Variants in BTBD9 observed in about 807,000 individuals in gnomAD.
BTBD9 encodes BTB/POZ domain-containing protein 9.
A neutral mutation model predicts 64.3 loss-of-function variants in BTBD9; 49 were observed. The ratio of observed to expected loss-of-function variants is 0.76; its 90% CI spans 0.61 to 0.97. The LOEUF (loss-of-function observed/expected upper bound fraction) is 0.97. Ranked by LOEUF, BTBD9 falls within the 50% of genes least tolerant of loss-of-function variation. The pLI, the probability that BTBD9 is intolerant of heterozygous loss-of-function variation, is 0.00. For synonymous variants in BTBD9, 260 were observed against 274.7 expected, an observed-to-expected ratio of 0.95 and a Z score of 0.53; for missense variants, 598 against 762.1, an observed-to-expected ratio of 0.78 and a Z score of 2.53.
chr6:38,450,729 T>G (rs529732980), intron 6 of BTBD9, among the ~76,000 whole-genome samples: 60 of 152,256 alleles, frequency 3.9e-4, no homozygotes, highest in Non-Finnish European at 7.9e-4. Flanking sequence ...TAAAAAAATG[T>G]AAATTTAGCA....
intron 6 of BTBD9, among the ~76,000 whole-genome samples, chr6:38,418,445 G>C (rs1228147512): frequency 2.0e-5 from 3 of 152,202 alleles, no homozygotes; most frequent in Non-Finnish European, 2.9e-5. Context: ...AGGATGCAGA[G>C]AGAAGAGAAT....
At chr6:38,326,978 G>A (rs996812922) in intron 7 of BTBD9, among the ~76,000 whole-genome samples, 5 of 151,912 alleles carry the variant, frequency 3.3e-5, no homozygotes, top group Admixed American at 1.3e-4. Context: ...TTTTACATTC[G>A]GCTTTATTAC....
At chr6:38,359,120 G>C (rs1764853911) in intron 6 of BTBD9, among the ~76,000 whole-genome samples, 1 of 152,204 alleles carries the variant, frequency 6.6e-6, no homozygotes, top group Non-Finnish European at 1.5e-5. Context: ...AAACATGCAG[G>C]ATGGCCAACT....
chr6:38,422,360 G>A (rs563925595), intron 6 of BTBD9, among the ~76,000 whole-genome samples: 2 of 152,054 alleles, frequency 1.3e-5, no homozygotes, highest in Non-Finnish European at 2.9e-5. Flanking sequence ...TCCTTCATAG[G>A]TAACTTGGCT....
chr6:38,234,433 C>G (rs1409719404), intron 9 of BTBD9, among the ~76,000 whole-genome samples: 1 of 152,186 alleles, frequency 6.6e-6, no homozygotes, highest in Non-Finnish European at 1.5e-5. Context: ...CAAGGGTTGG[C>G]TCGACCCCAC....
chr6:38,288,130 G>A, intron 8 of BTBD9, 142 bp downstream of exon 8: 2 of 867,194 alleles, frequency 2.3e-6, no homozygotes, highest in Non-Finnish European at 1.7e-6. Flanking sequence ...CCTTCCTTCG[G>A]CTCCCACTCC....
At chr6:38,355,830 T>G (rs1764706679) in intron 6 of BTBD9, among the ~76,000 whole-genome samples, 1 of 152,176 alleles carries the variant, frequency 6.6e-6, no homozygotes, top group Non-Finnish European at 1.5e-5. Context: ...TTTCTTGGTC[T>G]CTTCTCTCAT....
intron 6 of BTBD9, among the ~76,000 whole-genome samples, chr6:38,514,593 T>C (rs1488884455): frequency 1.3e-5 from 2 of 152,212 alleles, no homozygotes; most frequent in African/African-American, 4.8e-5. Context: ...AAAATTCTCA[T>C]ATGTCCTGGG....
chr6:38,299,981 A>G (rs1762323332), intron 7 of BTBD9, among the ~76,000 whole-genome samples: 1 of 152,170 alleles, frequency 6.6e-6, no homozygotes, highest in Non-Finnish European at 1.5e-5. Flanking sequence ...TAGGGTTTTT[A>G]TGATTTTAGG....
At chr6:38,232,977 T>C (rs1057189117) in intron 9 of BTBD9, among the ~76,000 whole-genome samples, 1 of 152,202 alleles carries the variant, frequency 6.6e-6, no homozygotes, top group Non-Finnish European at 1.5e-5. Context: ...CTGGGCCAAC[T>C]GGATTTTTAA....
At chr6:38,288,136 A>G (rs1301489633) in intron 8 of BTBD9, 136 bp downstream of exon 8, 2 of 932,010 alleles carry the variant, frequency 2.1e-6, no homozygotes, top group Non-Finnish European at 3.2e-6. Flanking sequence ...TTCGGCTCCC[A>G]CTCCTTTCTT....
At chr6:38,207,036 C>T (rs1198881163) in intron 9 of BTBD9, among the ~76,000 whole-genome samples, 3 of 152,194 alleles carry the variant, frequency 2.0e-5, no homozygotes, top group African/African-American at 7.2e-5. Flanking sequence ...TTCCCTTATA[C>T]TACTTTAATT....
chr6:38,502,497 T>G (rs917190030), intron 6 of BTBD9, among the ~76,000 whole-genome samples: 3 of 152,206 alleles, frequency 2.0e-5, no homozygotes, highest in African/African-American at 7.2e-5. Context: ...CCATTTGCTC[T>G]GAAGGGAAAG....
intron 6 of BTBD9, among the ~76,000 whole-genome samples, chr6:38,351,504 GTTGTTTTTTTT>G (rs1158362475): frequency 1.0e-5 from 1 of 96,696 alleles, no homozygotes; most frequent in African/African-American, 3.7e-5. Flanking sequence ...TTTAATTGTT[GTTGTTTTTTTT>G]TTTTTTTTTT....
intron 6 of BTBD9, among the ~76,000 whole-genome samples, chr6:38,529,084 C>A (rs1449557304): frequency 6.6e-6 from 1 of 152,026 alleles, no homozygotes; most frequent in Non-Finnish European, 1.5e-5. Context: ...TCAGGACTGG[C>A]AGCATTCACT....
intron 8 of BTBD9, among the ~76,000 whole-genome samples, chr6:38,263,454 C>T (rs759926472): frequency 1.1e-4 from 16 of 152,208 alleles, no homozygotes; most frequent in Non-Finnish European, 1.9e-4. Context: ...TCAAGGTGGA[C>T]ATGGGAGATT....
At chr6:38,576,699 C>T (rs117858525) in intron 6 of BTBD9, among the ~76,000 whole-genome samples, 1 of 152,138 alleles carries the variant, frequency 6.6e-6, no homozygotes, top group Non-Finnish European at 1.5e-5. Context: ...CTCACCATAT[C>T]CCTTCCCTTT....
chr6:38,315,301 T>C (rs1379931834), intron 7 of BTBD9, among the ~76,000 whole-genome samples: 1 of 152,240 alleles, frequency 6.6e-6, no homozygotes, highest in East Asian at 1.9e-4. Context: ...TGATCTTTAT[T>C]CTCTCTTTTC....
Position 38,487,592 on chromosome 6 carries a change from C to CGAGAGAGAGAGAGAGAGAGA in BTBD9, c.1154+89988_1154+90007dup, listed in dbSNP as rs70981555. On this transcript the variant is annotated intron_variant, in intron 6 of 10. Coordinates refer to ENST00000481247, the MANE Select transcript of BTBD9 (RefSeq NM_001099272.2). ...GCGAGAGAGACAGAGAGAGAGTCAG[C>CGAGAGAGAGAGAGAGAGAGA]GAGAGAGAGAGAGAGAGAGAGAGAG... 7.9e-4 allele frequency among the ~76,000 whole-genome samples: 97 copies of CGAGAGAGAGAGAGAGAGAGA among 122,832 alleles called. 1 individual carries two copies. The highest frequency in any genetic ancestry group is 2.8e-3 in the African/African-American group (91 of 32,382). 80.6% of individuals were successfully genotyped at this position (122,832 alleles called of 152,430 possible).
Sources: gnomAD v4.1 joint callset for allele counts (sites outside exome capture counted in the v4.1 genomes callset) on GRCh38, gnomAD v4.1.1 for gene constraint, MANE v1.5 for transcripts, NCBI Gene and HGNC (gene_info 2026-07-23, HGNC 2026-07-21) for gene names.